PLBD1: variants seen among roughly 807,000 people sequenced by gnomAD.
The protein encoded by PLBD1 is lysosomal leucine aminopeptidase.
In PLBD1, 60 loss-of-function variants were observed where a neutral mutation model predicts 63.0. The ratio of observed to expected loss-of-function variants is 0.95; its 90% CI spans 0.77 to 1.18. The LOEUF (loss-of-function observed/expected upper bound fraction) is 1.18. Ranked by LOEUF, PLBD1 falls within the 50% of genes most tolerant of loss-of-function variation. The pLI is 0.00. For missense variants in PLBD1, 598 were observed against 677.9 expected, an observed-to-expected ratio of 0.88 and a Z score of 1.31; for synonymous variants, 262 against 248.0, an observed-to-expected ratio of 1.06 and a Z score of -0.53.
chr12:14,511,424 A>G (rs1174134347), intron 7 of PLBD1, 24 bp from the exon 8 acceptor site: 1 of 1,613,388 alleles, frequency 6.2e-7, no homozygotes, highest in Admixed American at 1.7e-5. Context: ...AAACATGAAG[A>G]CGGGGCATGG....
At chr12:14,514,260 G>T (rs1287047163) in intron 6 of PLBD1, among the ~76,000 whole-genome samples, 1 of 152,220 alleles carries the variant, frequency 6.6e-6, no homozygotes, top group Non-Finnish European at 1.5e-5. Context: ...TTGACAGAGT[G>T]TAAAATGGAT....
intron 8 of PLBD1, 95 bp from the exon 9 acceptor site, chr12:14,507,213 T>C (rs1945263720): frequency 1.2e-5 from 12 of 978,426 alleles, no homozygotes; most frequent in Admixed American, 4.7e-5. Flanking sequence ...TGTTCATTTA[T>C]TTTGAAAATG....
chr12:14,560,096 G>A (rs1945734619), intron 1 of PLBD1, among the ~76,000 whole-genome samples: 1 of 152,162 alleles, frequency 6.6e-6, no homozygotes, highest in Admixed American at 6.5e-5. Context: ...TTGACCTCAG[G>A]TGATTTGCCT....
At chr12:14,514,741 A>AT (rs1459261321) in intron 6 of PLBD1, among the ~76,000 whole-genome samples, 1 of 138,678 alleles carries the variant, frequency 7.2e-6, no homozygotes, top group African/African-American at 2.5e-5. Context: ...AATCTTTTTA[A>AT]ATTTTTTTTT....
chr12:14,523,647 C>T (rs1945394786), intron 6 of PLBD1, among the ~76,000 whole-genome samples: 1 of 152,028 alleles, frequency 6.6e-6, no homozygotes. Context: ...ACTAATAAGA[C>T]AGAATAAAAA....
chr12:14,540,111 T>TATATATATATAC (rs1565577682), intron 4 of PLBD1, among the ~76,000 whole-genome samples: 3 of 125,584 alleles, frequency 2.4e-5, no homozygotes, highest in African/African-American at 8.8e-5. Flanking sequence ...AAATATTATT[T>TATATATATATAC]ATATATATAT....
At chr12:14,545,332 T>G (rs1945609065) in intron 2 of PLBD1, among the ~76,000 whole-genome samples, 1 of 152,256 alleles carries the variant, frequency 6.6e-6, no homozygotes, top group Non-Finnish European at 1.5e-5. Context: ...CTTGAGGCCC[T>G]CACCCATCAG....
intron 6 of PLBD1, among the ~76,000 whole-genome samples, chr12:14,530,836 G>A (rs1945453748): frequency 6.6e-6 from 1 of 152,140 alleles, no homozygotes; most frequent in Non-Finnish European, 1.5e-5. Flanking sequence ...GTGTGGGGAG[G>A]GCTAGTGCAA....
chr12:14,518,711 T>C (rs1304639141), intron 6 of PLBD1, among the ~76,000 whole-genome samples: 2 of 152,128 alleles, frequency 1.3e-5, no homozygotes, highest in East Asian at 3.9e-4. Context: ...TCTCCTTCCT[T>C]CCATAAATAT....
chr12:14,546,284 C>T (rs1945615553), intron 2 of PLBD1, among the ~76,000 whole-genome samples: 1 of 150,494 alleles, frequency 6.6e-6, no homozygotes, highest in African/African-American at 2.5e-5. Flanking sequence ...TGACACCGCA[C>T]TCCAGCCTGA....
chr12:14,507,051 T>A lies in PLBD1; in HGVS notation c.1254A>T (p.Leu418Phe), dbSNP rs1372927006. The A allele has an allele frequency of 6.2e-7, 1 of 1,613,816 alleles. No individual in the cohort carries two copies. The highest frequency in any genetic ancestry group is 8.5e-7 in the Non-Finnish European group (1 of 1,179,822). Residue 418 changes from leucine to phenylalanine, a missense_variant, in exon 9 of 11, where the codon TTA becomes TTT. By Grantham distance (22) the Leu-to-Phe change is conservative. Transcript: ENST00000240617. Reference sequence around the variant, plus strand: ...AGTAGTCCAAGCCCAGCTTCTGAACTAACAGTGGATAGCCACTCCAGTTGT... The same window carrying A: ...AGTAGTCCAAGCCCAGCTTCTGAACAAACAGTGGATAGCCACTCCAGTTGT... Reference protein sequence around the residue: ...KIYNWSGYPLLVQKLGLDYSY... With the variant: ...KIYNWSGYPLFVQKLGLDYSY...
intron 2 of PLBD1, among the ~76,000 whole-genome samples, chr12:14,552,063 A>G (rs1190355223): frequency 6.6e-6 from 1 of 152,232 alleles, no homozygotes; most frequent in Non-Finnish European, 1.5e-5. Context: ...ATAACTAGTC[A>G]TTCAACATCT....
intron 4 of PLBD1, 147 bp from the exon 5 acceptor site, chr12:14,536,857 C>A (rs773938109): frequency 2.4e-5 from 24 of 1,011,158 alleles, no homozygotes; most frequent in Non-Finnish European, 3.5e-5. Context: ...GGGAGGCCAA[C>A]GCGGGTGGAT....
chr12:14,531,251 C>T (rs950660950), intron 6 of PLBD1: 2 of 152,114 alleles, frequency 1.3e-5, no homozygotes, highest in Non-Finnish European at 2.9e-5. Context: ...ATGCATTGTT[C>T]TTGGCTAATT....
At position 14,503,810 on chromosome 12, in the gene PLBD1, TAAAATC is replaced by T. The variant is rs771630864; in HGVS notation, c.1618_1623del (p.Asp540_Phe541del). ...AGTTTCAAAATTGGTTTCATGGTAA[TAAAATC>T]AAAGTTGTAGACCTCTGGCATGCCC... is the stretch of plus-strand genomic sequence containing the variant. On this transcript the variant is annotated inframe_deletion, in exon 11 of 11. Transcript: ENST00000240617. The T allele has an allele frequency of 1.4e-5, 22 of 1,613,896 alleles. No individual in the cohort carries two copies. The highest frequency in any genetic ancestry group is 1.2e-5 in the Non-Finnish European group (14 of 1,179,842).
rs182210013 is a variant in PLBD1 at position 14,546,533 on chromosome 12, G to T, written c.336-4242C>A. Among the ~76,000 whole-genome samples, 10 of 152,122 alleles carry T rather than the reference G, an allele frequency of 6.6e-5. No individual in the cohort carries two copies. In the East Asian group the frequency reaches 1.9e-3, roughly 29 times the overall value. On this transcript the variant is annotated intron_variant, in intron 2 of 10. Coordinates refer to ENST00000240617, the MANE Select transcript of PLBD1 (RefSeq NM_024829.6). The stretch of plus-strand genomic sequence containing the variant: ...ATTTTTCAGTCTATTTCAAGATAAG[G>T]CAGTAGTTCTCAACTGGCATGATTT...
intron 1 of PLBD1, among the ~76,000 whole-genome samples, chr12:14,559,278 G>C (rs1321342245): frequency 6.6e-6 from 1 of 152,106 alleles, no homozygotes; most frequent in Non-Finnish European, 1.5e-5. Context: ...TTTCTTTGAT[G>C]AATCTAGTTT....
chr12:14,526,007 C>T (rs1285332943), intron 6 of PLBD1, among the ~76,000 whole-genome samples: 1 of 10,412 alleles, frequency 9.6e-5, no homozygotes, highest in Non-Finnish European at 7.7e-4. Flanking sequence ...AGAAAGCCAA[C>T]TTATTAAAAT....
At chr12:14,507,249 A>AATGTTATCCATGTTCATTTATTT in intron 8 of PLBD1, 131 bp from the exon 9 acceptor site, 1 of 716,322 alleles carries the variant, frequency 1.4e-6, no homozygotes, top group Non-Finnish European at 2.3e-6. Flanking sequence ...TTACAAAATA[A>AATGTTATCCATGTTCATTTATTT]TGTACAGAAA....
Sources: allele counts gnomAD v4.1 joint callset (sites outside exome capture counted in the v4.1 genomes callset), GRCh38; gene constraint gnomAD v4.1.1; transcripts MANE v1.5; gene names NCBI Gene and HGNC (gene_info 2026-07-23, HGNC 2026-07-21).